Variants in ABCA6 observed in about 807,000 individuals in gnomAD.
ABCA6 encodes ATP binding cassette subfamily A member 6.
ABCA6 carries 164 observed loss-of-function variants against 191.2 expected under a neutral mutation model. The observed-to-expected ratio is 0.86, with a 90% CI of 0.76 to 0.98. The LOEUF is 0.98. ABCA6 is among the 50% of genes least tolerant of loss of function. The probability of loss-of-function intolerance (pLI) is 0.00; values close to 1 mark genes in which losing one functional copy is unlikely to be tolerated. For synonymous variants in ABCA6, 636 were observed against 647.7 expected (o/e 0.98, Z 0.27); for missense variants, 1,958 against 1,894.1 (o/e 1.03, Z -0.63).
chr17:69,138,102 T>A (rs2073978030), intron 2 of ABCA6, among the ~76,000 whole-genome samples: 1 of 152,072 alleles, frequency 6.6e-6, no homozygotes, highest in African/African-American at 2.4e-5. Context: ...CATATACAAC[T>A]TTCTATATTC....
chr17:69,087,293 C>T (rs1047398685), intron 29 of ABCA6, 60 bp downstream of exon 29: 1 of 1,584,974 alleles, frequency 6.3e-7, no homozygotes, highest in Non-Finnish European at 8.6e-7. Flanking sequence ...GTATCAAATC[C>T]TGCTCTTGAC....
chr17:69,085,158 C>T lies in ABCA6; in HGVS notation c.4054G>A (p.Val1352Ile). The T allele has an allele frequency of 1.9e-6, 3 of 1,611,146 alleles. No homozygotes were observed. Among genetic ancestry groups the T allele is most frequent in the Non-Finnish European group, 1.7e-6 (2 of 1,178,830 alleles). Residue 1352 changes from valine (V) to isoleucine (I), a missense_variant, in exon 32 of 39, where the codon GTT (valine) becomes ATT (isoleucine). Physicochemically the swap from Val to Ile is conservative, Grantham distance 29. Transcript: ENST00000284425. ...GEVELKGCSSVLGHLGYCPQE... is the reference protein window; with the variant it reads ...GEVELKGCSSILGHLGYCPQE... The stretch of plus-strand genomic sequence containing the variant: ...GGGCAGTACCCCAGGTGGCCCAAAA[C>T]TGAACTGCAGCCTTTCAGTTCCACC...
At position 69,087,375 on chromosome 17, in the gene ABCA6, A is replaced by G; in HGVS notation, c.3797T>C (p.Leu1266Pro). The part of the protein sequence containing the change: ...QTERIRTATA[L>P]TTSILDEKPV... ...TACCTCATCTAAGATTGAAGTGGTC[A>G]GAGCAGTGGCTGTTCTTATTCTTTC... Residue 1266 changes from leucine to proline, a missense_variant, in exon 29 of 39, where the codon CTG (leucine) becomes CCG (proline). Leu to Pro is a moderately conservative substitution (Grantham distance 98, BLOSUM62 -3). Transcript: ENST00000284425. The G allele has an allele frequency of 1.2e-6, 2 of 1,613,924 alleles. No homozygotes were observed. Among genetic ancestry groups the G allele is most frequent in the South Asian group, 2.2e-5 (2 of 91,068 alleles).
intron 2 of ABCA6, among the ~76,000 whole-genome samples, chr17:69,138,985 TA>T (rs2073989494): frequency 6.6e-6 from 1 of 152,102 alleles, no homozygotes; most frequent in Admixed American, 6.6e-5. Context: ...CCTAAAACCA[TA>T]AAAACCCTAG....
At chr17:69,113,182 A>G (rs754412495) in intron 15 of ABCA6, 40 bp downstream of exon 15, 9 of 1,576,466 alleles carry the variant, frequency 5.7e-6, no homozygotes, top group African/African-American at 1.4e-5. Flanking sequence ...TAAATTCCCC[A>G]ATTGCATCAT....
At chr17:69,098,631 A>C (rs2144640869) in intron 22 of ABCA6, 1 of 150,942 alleles carries the variant, frequency 6.6e-6, no homozygotes, top group African/African-American at 2.4e-5. Context: ...GTCTCAAAAA[A>C]AAAAAAAAAA....
At chr17:69,131,734 C>T (rs777034040) in intron 6 of ABCA6, among the ~76,000 whole-genome samples, 3 of 152,034 alleles carry the variant, frequency 2.0e-5, no homozygotes, top group South Asian at 2.1e-4. Context: ...GTTTTAAGGA[C>T]GTATATATGA....
intron 18 of ABCA6, among the ~76,000 whole-genome samples, chr17:69,106,969 T>A (rs562818115): frequency 6.6e-6 from 1 of 152,328 alleles, no homozygotes; most frequent in East Asian, 1.9e-4. Context: ...GAGGGATTTT[T>A]AAAAAATCTT....
At position 69,086,689 on chromosome 17, in the gene ABCA6, T is replaced by C; in HGVS notation, c.3866A>G (p.Gln1289Arg). ...ASCLHKEYAG[Q>R]KKSCFSKRKK... is the part of the protein sequence containing the mutation. Reference sequence around the variant, plus strand: ...CCTCTTTGAAAAGCAACTTTTCTTCTGGCCTGCATATTCTTTGTGTAGACA... The same window carrying C: ...CCTCTTTGAAAAGCAACTTTTCTTCCGGCCTGCATATTCTTTGTGTAGACA... The change falls in exon 30 of 39, where the codon CAG becomes CGG. Residue 1289 changes from glutamine (Q) to arginine (R), a missense_variant. Transcript: ENST00000284425. The C allele has an allele frequency of 6.2e-7, 1 of 1,613,116 alleles. No individual in the cohort carries two copies. The highest frequency in any genetic ancestry group is 8.5e-7 in the Non-Finnish European group (1 of 1,179,496).
At chr17:69,098,625 C>CAAAAAAAAAAAA (rs59031335) in intron 22 of ABCA6, 1 of 46,348 alleles carries the variant, frequency 2.2e-5, no homozygotes, top group East Asian at 7.4e-4. Context: ...AACTCGGTCT[C>CAAAAAAAAAAAA]AAAAAAAAAA....
intron 37 of ABCA6, among the ~76,000 whole-genome samples, chr17:69,080,250 A>G (rs2072596915): frequency 6.6e-6 from 1 of 152,188 alleles, no homozygotes; most frequent in Non-Finnish European, 1.5e-5. Flanking sequence ...AATCCTAACA[A>G]CATGGCCAAG....
At chr17:69,082,778 G>T in intron 36 of ABCA6, 95 bp downstream of exon 36, 1 of 1,528,384 alleles carries the variant, frequency 6.5e-7, no homozygotes, top group Non-Finnish European at 8.8e-7. Context: ...CTTTTATTAT[G>T]AAGCCAAATC....
At chr17:69,121,245 T>G (rs183998085) in intron 10 of ABCA6, among the ~76,000 whole-genome samples, 40 of 152,144 alleles carry the variant, frequency 2.6e-4, no homozygotes, top group African/African-American at 9.4e-4. Flanking sequence ...AAAGAAGAGA[T>G]AAAACTTGTG....
At position 69,092,544 on chromosome 17, in the gene ABCA6, G is replaced by A. The variant is rs115923381; in HGVS notation, c.3409-1282C>T. Reference sequence around the variant, plus strand: ...TCCAGAACTCCGTGTGCTAAGATGTGCTACTATACCTCCACCACACAGCAT... The same window carrying A: ...TCCAGAACTCCGTGTGCTAAGATGTACTACTATACCTCCACCACACAGCAT... On this transcript the variant is annotated intron_variant, in intron 25 of 38. Coordinates refer to ENST00000284425, the MANE Select transcript of ABCA6 (RefSeq NM_080284.3). 9.3e-3 allele frequency among the ~76,000 whole-genome samples: 1,411 copies of A among 152,254 alleles called. 14 individuals carry two copies. Among genetic ancestry groups the A allele is most frequent in the African/African-American group, 0.031 (1,298 of 41,526 alleles).
Position 69,115,363 on chromosome 17 carries a change from T to C in ABCA6, c.1606+13A>G. 6.3e-7 allele frequency: 1 copy of C among 1,592,014 alleles called. No individual in the cohort carries two copies. The highest frequency in any genetic ancestry group is 8.6e-7 in the Non-Finnish European group (1 of 1,166,600). ...TAAGACATCTTGCCTTTGAGAAATT[T>C]CTTTTTACTCACCTTCTGTTGGAAC... On this transcript the variant is annotated intron_variant, in intron 12 of 38. Transcript: ENST00000284425.
intron 36 of ABCA6, 49 bp downstream of exon 36, chr17:69,082,821 CACT>C (rs2144605550): frequency 4.4e-6 from 7 of 1,607,224 alleles, no homozygotes; most frequent in African/African-American, 1.3e-5. Context: ...AAAAGGAAAC[CACT>C]GAGTGGATAA....
rs190742107 is a variant in ABCA6, at chr17:69,133,024, G to A, written c.791+617C>T. Among the ~76,000 whole-genome samples, 35 of 152,188 alleles carry A rather than the reference G, an allele frequency of 2.3e-4. 1 individual carries two copies. The highest frequency in any genetic ancestry group is 6.8e-3 in the Middle Eastern group (2 of 294). On this transcript the variant is annotated intron_variant, in intron 6 of 38. Coordinates refer to ENST00000284425, the MANE Select transcript of ABCA6 (RefSeq NM_080284.3). ...CACTTTAAATTGAATGTGGAGTGGGGGGCAAGATATAAATATCAATATATA... is the reference window on the plus strand; with the variant it reads ...CACTTTAAATTGAATGTGGAGTGGGAGGCAAGATATAAATATCAATATATA...
intron 6 of ABCA6, among the ~76,000 whole-genome samples, 175 bp from the exon 7 acceptor site, chr17:69,129,926 T>G (rs2073832288): frequency 6.6e-6 from 1 of 152,184 alleles, no homozygotes. Flanking sequence ...ATCGCAATTC[T>G]CCTTCTTTAT....
chr17:69,100,885 G>C lies in ABCA6; in HGVS notation c.2924C>G (p.Pro975Arg). 1 of 1,609,280 alleles carries C rather than the reference G, an allele frequency of 6.2e-7. No homozygotes were observed. Among genetic ancestry groups the C allele is most frequent in the Non-Finnish European group, 8.5e-7 (1 of 1,176,520 alleles). ...ATTGCTGATAATATTCATAAGAATT[G>C]GAAAACAGTGCAATCTCTTGGTATT... The part of the protein sequence containing the change: ...VCNTKRLHCF[P>R]ILMNIISNGL... Residue 975 changes from proline to arginine, a missense_variant, in exon 22 of 39, where the codon CCA becomes CGA. Physicochemically the swap from Pro to Arg is moderately radical, Grantham distance 103. Coordinates refer to ENST00000284425, the MANE Select transcript of ABCA6 (RefSeq NM_080284.3).
Sources: gnomAD v4.1 joint callset for allele counts (sites outside exome capture counted in the v4.1 genomes callset) on GRCh38, gnomAD v4.1.1 for gene constraint, MANE v1.5 for transcripts, NCBI Gene and HGNC (gene_info 2026-07-23, HGNC 2026-07-21) for gene names.